Variants in GFRA1 observed in about 807,000 individuals in gnomAD.
GFRA1 encodes GDNF family receptor alpha-1.
A neutral mutation model predicts 51.6 loss-of-function variants in GFRA1; 16 were observed. The ratio of observed to expected loss-of-function variants is 0.31; its 90% CI spans 0.21 to 0.47. The LOEUF (loss-of-function observed/expected upper bound fraction) is 0.47, where lower values mean the gene tolerates loss of function less well. GFRA1 is among the 20% of genes least tolerant of loss of function. The pLI, the probability that GFRA1 is intolerant of heterozygous loss-of-function variation, is 1.00. For synonymous variants in GFRA1, 270 were observed against 241.3 expected, an observed-to-expected ratio of 1.12 and a Z score of -1.10; for missense variants, 530 against 594.3, an observed-to-expected ratio of 0.89 and a Z score of 1.13.
chr10:116,221,886 T>C (rs1171606577), intron 4 of GFRA1, among the ~76,000 whole-genome samples: 1 of 152,176 alleles, frequency 6.6e-6, no homozygotes, highest in African/African-American at 2.4e-5. Context: ...TTCTAAAATA[T>C]TGCAACTGTT....
Position 116,229,716 on chromosome 10 carries a change from G to T in GFRA1, c.419-18071C>A, listed in dbSNP as rs144050828. On this transcript the variant is annotated intron_variant, in intron 4 of 10. Coordinates refer to ENST00000355422, the MANE Select transcript of GFRA1 (RefSeq NM_005264.8). The stretch of plus-strand genomic sequence containing the variant: ...CATGTGGACAGTCAGCTGTAGGGCT[G>T]CCCTTCCCCTAATACATCGACATTT... 6.8e-4 allele frequency among the ~76,000 whole-genome samples: 104 copies of T among 152,318 alleles called. 1 individual carries two copies. Among genetic ancestry groups the T allele is most frequent in the Non-Finnish European group, 1.2e-3 (83 of 68,024 alleles).
At chr10:116,258,291 G>C (rs1209768721) in intron 4 of GFRA1, among the ~76,000 whole-genome samples, 2 of 150,272 alleles carry the variant, frequency 1.3e-5, no homozygotes, top group African/African-American at 4.9e-5. Flanking sequence ...AAAACTGATA[G>C]AGACTCTAAA....
intron 5 of GFRA1, among the ~76,000 whole-genome samples, chr10:116,126,213 C>T (rs1372857054): frequency 2.6e-5 from 4 of 152,230 alleles, no homozygotes; most frequent in East Asian, 1.9e-4. Flanking sequence ...ACAGACAACA[C>T]GTGGGCTCTA....
At chr10:116,108,013 C>T (rs764279267) in intron 6 of GFRA1, among the ~76,000 whole-genome samples, 4 of 151,984 alleles carry the variant, frequency 2.6e-5, no homozygotes, top group Non-Finnish European at 5.9e-5. Flanking sequence ...ATTAATTTAC[C>T]TTCCACTCAT....
chr10:116,077,331 G>C (rs568442261), intron 9 of GFRA1, among the ~76,000 whole-genome samples: 28 of 152,302 alleles, frequency 1.8e-4, no homozygotes, highest in Admixed American at 1.6e-3. Flanking sequence ...CATTGTTGCT[G>C]AGAAAAATAG....
intron 5 of GFRA1, among the ~76,000 whole-genome samples, chr10:116,137,999 C>A (rs2134079750): frequency 6.6e-6 from 1 of 152,184 alleles, no homozygotes; most frequent in East Asian, 1.9e-4. Flanking sequence ...GATGGGGTTT[C>A]TCCACGTTGG....
At chr10:116,129,455 C>A (rs962173085) in intron 5 of GFRA1, among the ~76,000 whole-genome samples, 1 of 151,992 alleles carries the variant, frequency 6.6e-6, no homozygotes, top group South Asian at 2.1e-4. Context: ...AAAAAGCATT[C>A]AATAAATTTC....
Position 116,138,972 on chromosome 10 carries a change from G to A in GFRA1, c.434-13415C>T, listed in dbSNP as rs548422498. ...AAATTCCTTAGTCAGGACCTCCATT[G>A]CATCTCTGCAGCTTAATCTGCCACT... On this transcript the variant is annotated intron_variant, in intron 5 of 10. Transcript: ENST00000355422. 4.5e-4 allele frequency among the ~76,000 whole-genome samples: 69 copies of A among 152,248 alleles called. No homozygotes were observed. In the South Asian group the frequency reaches 6.4e-3, roughly 14 times the overall value.
chr10:116,178,298 C>CTGGG (rs1491125429), intron 5 of GFRA1, among the ~76,000 whole-genome samples: 310 of 34,750 alleles, frequency 8.9e-3, no homozygotes, highest in African/African-American at 0.022. Context: ...CCACAAGGGG[C>CTGGG]CGGGGGGGCG....
chr10:116,186,015 G>A (rs921568646), intron 5 of GFRA1, among the ~76,000 whole-genome samples: 1 of 152,112 alleles, frequency 6.6e-6, no homozygotes, highest in African/African-American at 2.4e-5. Flanking sequence ...ATTTTTGGGA[G>A]GTAGGGGGGT....
Position 116,099,060 on chromosome 10 carries a change from G to C in GFRA1, c.771-2296C>G, listed in dbSNP as rs186075553. 2.6e-5 allele frequency among the ~76,000 whole-genome samples: 4 copies of C among 152,212 alleles called. No homozygotes were observed. In the East Asian group the frequency reaches 7.7e-4, roughly 29 times the overall value. On this transcript the variant is annotated intron_variant, in intron 6 of 10. Coordinates refer to ENST00000355422, the MANE Select transcript of GFRA1 (RefSeq NM_005264.8). The stretch of plus-strand genomic sequence containing the variant: ...AACATTTCCACGTTTTATCACATTT[G>C]ACCACCTCCCCCTGGCAGCTATACT...
chr10:116,219,392 T>C (rs967642148), intron 4 of GFRA1, among the ~76,000 whole-genome samples: 1 of 152,224 alleles, frequency 6.6e-6, no homozygotes, highest in Non-Finnish European at 1.5e-5. Context: ...ATGTTTTCTC[T>C]TAAATTGAAT....
At chr10:116,223,403 A>T (rs1197271042) in intron 4 of GFRA1, among the ~76,000 whole-genome samples, 1 of 152,222 alleles carries the variant, frequency 6.6e-6, no homozygotes, top group Non-Finnish European at 1.5e-5. Flanking sequence ...AACTACAGGT[A>T]TTTCATCAGT....
rs560634122 is a variant in GFRA1 at position 116,172,536 on chromosome 10, G to A, written c.433+39095C>T. 5.3e-5 allele frequency among the ~76,000 whole-genome samples: 8 copies of A among 152,132 alleles called. No individual in the cohort carries two copies. In the East Asian group the frequency reaches 5.8e-4, roughly 11 times the overall value. On this transcript the variant is annotated intron_variant, in intron 5 of 10. Coordinates refer to ENST00000355422, the MANE Select transcript of GFRA1 (RefSeq NM_005264.8). Reference sequence around the variant, plus strand: ...GATGCAAAGGCTTCCAAGAGGAAACGGCACTTGAGTCCCTTCTTGAAGGAA... The same window carrying A: ...GATGCAAAGGCTTCCAAGAGGAAACAGCACTTGAGTCCCTTCTTGAAGGAA...
chr10:116,139,636 T>C (rs1958480121), intron 5 of GFRA1, among the ~76,000 whole-genome samples: 1 of 152,240 alleles, frequency 6.6e-6, no homozygotes, highest in Non-Finnish European at 1.5e-5. Flanking sequence ...GTCCAGCTGC[T>C]AATGCTTCCT....
rs747338729 is a variant in GFRA1 at position 116,064,525 on chromosome 10, C to G, written c.1271G>C (p.Gly424Ala). The G allele has an allele frequency of 1.2e-5, 19 of 1,613,258 alleles. No individual in the cohort carries two copies. Among genetic ancestry groups the G allele is most frequent in the Non-Finnish European group, 1.6e-5 (19 of 1,179,398 alleles). ...GGTTATGTGGCTGGAAGCACCGAGA[C>G]CTTCTTTTTCATAATTACCCTGTAA... ...CISNGNYEKE[G>A]LGASSHITTK... is the part of the protein sequence containing the mutation. Residue 424 changes from glycine (G) to alanine (A), a missense_variant, in exon 11 of 11, where the codon GGT (glycine) becomes GCT (alanine). Physicochemically the swap from Gly to Ala is moderately conservative, Grantham distance 60 (BLOSUM62 0). Coordinates refer to ENST00000355422, the MANE Select transcript of GFRA1 (RefSeq NM_005264.8).
intron 4 of GFRA1, among the ~76,000 whole-genome samples, chr10:116,262,416 G>T (rs1197673008): frequency 1.3e-5 from 2 of 152,056 alleles, no homozygotes; most frequent in African/African-American, 4.8e-5. Context: ...TTTAGGAAGT[G>T]GTCAGTGAGA....
chr10:116,092,149 G>A lies in GFRA1; in HGVS notation c.1015+1553C>T, dbSNP rs963405377. Among the ~76,000 whole-genome samples the A allele has an allele frequency of 6.4e-5, 8 of 125,906 alleles. No individual in the cohort carries two copies. In the East Asian group the frequency reaches 8.1e-4, roughly 13 times the overall value. The allele number at this position is 125,906 out of a possible 152,430, so 82.6% of individuals were successfully genotyped here. ...CACACACACACACACATTTTCAGTC[G>A]AGACCAAATAAGAGGTCCAAGTTGT... On this transcript the variant is annotated intron_variant, in intron 8 of 10. Transcript: ENST00000355422.
chr10:116,139,139 C>G (rs1958456958), intron 5 of GFRA1, among the ~76,000 whole-genome samples: 1 of 152,236 alleles, frequency 6.6e-6, no homozygotes, highest in Non-Finnish European at 1.5e-5. Flanking sequence ...CAGGTAGAAG[C>G]AGGTGAGTAA....
Sources: gnomAD v4.1 joint callset for allele counts (sites outside exome capture counted in the v4.1 genomes callset) on GRCh38, gnomAD v4.1.1 for gene constraint, MANE v1.5 for transcripts, NCBI Gene and HGNC (gene_info 2026-07-23, HGNC 2026-07-21) for gene names.